UHRF2: variants seen among roughly 807,000 people sequenced by gnomAD.
UHRF2 encodes the protein E3 ubiquitin-protein ligase UHRF2.
Under a neutral mutation model 96.8 loss-of-function variants are expected in UHRF2, and 23 were observed. That is an observed-to-expected ratio of 0.24 (90% CI 0.17 to 0.34). The LOEUF is 0.34. UHRF2 is among the 10% of genes least tolerant of loss of function. The probability of loss-of-function intolerance (pLI) is 1.00; values close to 1 mark genes in which losing one functional copy is unlikely to be tolerated. For missense variants in UHRF2, 685 were observed against 981.5 expected (o/e 0.70, Z 4.04); for synonymous variants, 385 against 332.6 (o/e 1.16, Z -1.72).
intron 3 of UHRF2, among the ~76,000 whole-genome samples, chr9:6,443,674 C>T (rs561262529): frequency 6.6e-6 from 1 of 152,240 alleles, no homozygotes; most frequent in African/African-American, 2.4e-5. Context: ...TGGGGGAGAA[C>T]ACATACTTTT....
chr9:6,500,153 A>C (rs1816209560), intron 13 of UHRF2, among the ~76,000 whole-genome samples: 1 of 152,064 alleles, frequency 6.6e-6, no homozygotes, highest in African/African-American at 2.4e-5. Flanking sequence ...TCTTTTGTAA[A>C]GATGGGGTTT....
chr9:6,414,228 C>T (rs1233810856), intron 1 of UHRF2: 1 of 152,256 alleles, frequency 6.6e-6, no homozygotes. Flanking sequence ...CCCTCTCCCT[C>T]GCCGCCTTTC....
chr9:6,439,391 C>T (rs1821029008), intron 3 of UHRF2, among the ~76,000 whole-genome samples: 1 of 152,178 alleles, frequency 6.6e-6, no homozygotes, highest in African/African-American at 2.4e-5. Context: ...CCAGGTTGGT[C>T]TTGAACTCCT....
At chr9:6,495,420 G>C (rs1287284017) in intron 10 of UHRF2, 1 of 152,302 alleles carries the variant, frequency 6.6e-6, no homozygotes, top group African/African-American at 2.4e-5. Flanking sequence ...TTGGGCAAAG[G>C]TACCTGTATG....
intron 8 of UHRF2, among the ~76,000 whole-genome samples, chr9:6,485,877 T>C (rs996875715): frequency 2.0e-4 from 30 of 151,548 alleles, no homozygotes; most frequent in African/African-American, 7.0e-4. Flanking sequence ...GCAATACCTT[T>C]TTCAGGGAGT....
chr9:6,478,028 A>G (rs1823689941), intron 6 of UHRF2, among the ~76,000 whole-genome samples: 1 of 152,130 alleles, frequency 6.6e-6, no homozygotes. Context: ...TTCTCTGATA[A>G]TAGACTCTGT....
At chr9:6,489,698 G>A (rs1824537460) in intron 9 of UHRF2, among the ~76,000 whole-genome samples, 1 of 140,518 alleles carries the variant, frequency 7.1e-6, no homozygotes, top group South Asian at 2.3e-4. Context: ...AGCACTTCAG[G>A]TTTTTTGGCC....
intron 3 of UHRF2, among the ~76,000 whole-genome samples, chr9:6,441,395 A>T (rs1821153981): frequency 6.6e-6 from 1 of 152,002 alleles, no homozygotes; most frequent in African/African-American, 2.4e-5. Context: ...AAAAGAAAAA[A>T]AAAAAAGCAG....
intron 3 of UHRF2, among the ~76,000 whole-genome samples, chr9:6,440,932 C>G (rs1315790585): frequency 6.6e-6 from 1 of 152,200 alleles, no homozygotes; most frequent in Non-Finnish European, 1.5e-5. Context: ...TGATTCTAAT[C>G]ATTCCCTGTG....
chr9:6,445,974 C>CG (rs1554624487), intron 3 of UHRF2, among the ~76,000 whole-genome samples: 1 of 106,158 alleles, frequency 9.4e-6, no homozygotes, highest in Non-Finnish European at 1.9e-5. Flanking sequence ...CTTCCCCCCC[C>CG]GCCACCCTTT....
chr9:6,479,626 G>A (rs10115883), intron 6 of UHRF2, among the ~76,000 whole-genome samples: 41,569 of 151,974 alleles, frequency 0.27, 7,669 homozygotes, highest in African/African-American at 0.52. Flanking sequence ...TTATATTCCT[G>A]TATGCAGTTG....
chr9:6,441,955 A>G (rs1821189153), intron 3 of UHRF2, among the ~76,000 whole-genome samples: 1 of 152,106 alleles, frequency 6.6e-6, no homozygotes, highest in African/African-American at 2.4e-5. Context: ...TGGGGGAAAT[A>G]CTATGTAATA....
rs1315695400 is a variant in UHRF2, at chr9:6,433,979, T to A, written c.450T>A (p.Ser150Arg). 2 of 1,614,086 alleles carry A rather than the reference T, an allele frequency of 1.2e-6. No individual in the cohort carries two copies. The highest frequency in any genetic ancestry group is 2.2e-5 in the South Asian group (2 of 91,078). Residue 150 changes from serine (S) to arginine (R), a missense_variant, in exon 3 of 16, where the codon AGT becomes AGA. By Grantham distance (110) the Ser-to-Arg change is moderately radical. This residue lies in a region of UHRF2 where 391 missense variants were observed against 437.0 expected (regional missense o/e 0.89). Coordinates refer to ENST00000276893, the MANE Select transcript of UHRF2 (RefSeq NM_152896.3). ...LGAWFEAHIH[S>R]VTRASDGQSR... is the part of the protein sequence containing the mutation. The stretch of plus-strand genomic sequence containing the variant: ...CTTGGTTTGAAGCACACATACATAG[T>A]GTTACTAGAGCTTCTGATGGACAGT...
intron 2 of UHRF2, 139 bp downstream of exon 2, chr9:6,421,281 G>C (rs1819914628): frequency 4.3e-6 from 3 of 692,932 alleles, no homozygotes; most frequent in Non-Finnish European, 7.2e-6. Context: ...TTTAAAAGTA[G>C]TCTTTTAAAA....
In UHRF2 at chr9:6,460,628, A is replaced by C; in HGVS notation, c.700A>C (p.Arg234=). Residue 234 remains arginine (R), a synonymous_variant, in exon 4 of 16, where the codon AGA becomes CGA. Transcript: ENST00000276893. ...TGTCAAGGATCTTAGACCACGAGCT[A>C]GAACCATTTTGAAATGGAATGAACT... ...MNVKDLRPRA[R]TILKWNELNV... is the part of the protein sequence containing the mutation. 6.2e-7 allele frequency: 1 copy of C among 1,612,998 alleles called. No homozygotes were observed. Among genetic ancestry groups the C allele is most frequent in the South Asian group, 1.1e-5 (1 of 91,028 alleles).
intron 4 of UHRF2, among the ~76,000 whole-genome samples, chr9:6,470,806 A>G (rs1823199792): frequency 6.6e-6 from 1 of 152,204 alleles, no homozygotes. Context: ...TTTTTAACAA[A>G]TTAACACACT....
intron 1 of UHRF2, among the ~76,000 whole-genome samples, chr9:6,416,730 G>T (rs1587752081): frequency 6.7e-6 from 1 of 150,328 alleles, no homozygotes; most frequent in Admixed American, 6.6e-5. Flanking sequence ...TAGTAGAGAC[G>T]GGGTTTCACC....
rs555790663 is a variant in UHRF2 at position 6,456,946 on chromosome 9, C to A, written c.645-3627C>A. 4.6e-5 allele frequency among the ~76,000 whole-genome samples: 7 copies of A among 152,292 alleles called. No homozygotes were observed. In the East Asian group the frequency reaches 1.4e-3, roughly 29 times the overall value. On this transcript the variant is annotated intron_variant, in intron 3 of 15. Transcript: ENST00000276893. Reference sequence around the variant, plus strand: ...TAGTTTGAAGTCAGGTAGCATGATGCCACCAGCTTTGTTCTTTTTGCTTAG... The same window carrying A: ...TAGTTTGAAGTCAGGTAGCATGATGACACCAGCTTTGTTCTTTTTGCTTAG...
chr9:6,433,792 T>A, intron 2 of UHRF2, 122 bp from the exon 3 acceptor site: 1 of 990,548 alleles, frequency 1.0e-6, no homozygotes, highest in Non-Finnish European at 1.5e-6. Flanking sequence ...TTAACCACTT[T>A]AAACATGAGT....
Sources: gnomAD v4.1 joint callset for allele counts (sites outside exome capture counted in the v4.1 genomes callset) on GRCh38, gnomAD v4.1.1 for gene constraint, gnomAD v4.1.1 regional missense constraint, MANE v1.5 for transcripts, NCBI Gene and HGNC (gene_info 2026-07-23, HGNC 2026-07-21) for gene names.